The following DROSHA variants were observed in gnomAD, a reference collection of about 807,000 sequenced individuals.
DROSHA encodes ribonuclease 3.
Under a neutral mutation model 181.9 loss-of-function variants are expected in DROSHA, and 56 were observed. The observed-to-expected ratio is 0.31, with a 90% CI of 0.25 to 0.38. DROSHA has a LOEUF of 0.38. DROSHA is among the 10% of genes least tolerant of loss of function. The pLI, the probability that DROSHA is intolerant of heterozygous loss-of-function variation, is 1.00. For synonymous variants in DROSHA, 524 were observed against 591.2 expected (o/e 0.89, Z 1.65); for missense variants, 1,218 against 1,743.5 (o/e 0.70, Z 5.37).
At chr5:31,429,360 G>T in intron 27 of DROSHA, 115 bp downstream of exon 27, 2 of 936,564 alleles carry the variant, frequency 2.1e-6, no homozygotes, top group Non-Finnish European at 3.1e-6. Flanking sequence ...CCCATCTATG[G>T]TAGATCTGAC....
At chr5:31,437,575 T>C (rs1745032686) in intron 23 of DROSHA, among the ~76,000 whole-genome samples, 1 of 151,986 alleles carries the variant, frequency 6.6e-6, no homozygotes, top group South Asian at 2.1e-4. Flanking sequence ...CAAGGTGATA[T>C]CTCACTAACA....
intron 23 of DROSHA, among the ~76,000 whole-genome samples, chr5:31,442,490 C>G (rs1745714331): frequency 6.6e-6 from 1 of 152,052 alleles, no homozygotes; most frequent in South Asian, 2.1e-4. Flanking sequence ...AGTAAACACT[C>G]CATTTGTTTT....
At chr5:31,511,960 T>C (rs777856197) in intron 8 of DROSHA, among the ~76,000 whole-genome samples, 1 of 150,670 alleles carries the variant, frequency 6.6e-6, no homozygotes, top group African/African-American at 2.4e-5. Flanking sequence ...CTCTCATGCC[T>C]TAAACACGAG....
intron 16 of DROSHA, among the ~76,000 whole-genome samples, chr5:31,476,275 G>C (rs13185729): frequency 6.6e-6 from 1 of 152,206 alleles, no homozygotes; most frequent in Admixed American, 6.5e-5. Context: ...TGGGGCAGGA[G>C]AATCGCTTGA....
At chr5:31,419,208 T>C (rs778507368) in intron 30 of DROSHA, among the ~76,000 whole-genome samples, 27 of 152,184 alleles carry the variant, frequency 1.8e-4, no homozygotes, top group Non-Finnish European at 3.7e-4. Flanking sequence ...TTAATGCTAA[T>C]GGGAGTTGGT....
At chr5:31,446,364 G>A (rs985089495) in intron 23 of DROSHA, among the ~76,000 whole-genome samples, 11 of 149,918 alleles carry the variant, frequency 7.3e-5, no homozygotes, top group South Asian at 2.1e-4. Context: ...GGAGAATGGC[G>A]TGAACCCGGG....
chr5:31,481,964 A>T, intron 16 of DROSHA, among the ~76,000 whole-genome samples: 1 of 152,186 alleles, frequency 6.6e-6, no homozygotes, highest in Non-Finnish European at 1.5e-5. Context: ...GCACTGAAGC[A>T]AAACTTGGCT....
intron 16 of DROSHA, among the ~76,000 whole-genome samples, chr5:31,474,651 C>A (rs1750152834): frequency 6.6e-6 from 1 of 152,096 alleles, no homozygotes; most frequent in Admixed American, 6.5e-5. Context: ...GTGTGAGCCA[C>A]GGCACCCAGC....
At chr5:31,495,495 TG>T in intron 11 of DROSHA, 123 bp from the exon 12 acceptor site, 1 of 881,492 alleles carries the variant, frequency 1.1e-6, no homozygotes, top group Non-Finnish European at 1.7e-6. Context: ...CTTCACAGAC[TG>T]GTAGGAAAGA....
At chr5:31,494,167 C>T (rs1047714042) in intron 12 of DROSHA, among the ~76,000 whole-genome samples, 2 of 152,016 alleles carry the variant, frequency 1.3e-5, no homozygotes, top group Admixed American at 1.3e-4. Flanking sequence ...GGGGTTCCAC[C>T]ATCCCTACTA....
At chr5:31,513,611 C>G (rs1187593841) in intron 8 of DROSHA, among the ~76,000 whole-genome samples, 3 of 152,208 alleles carry the variant, frequency 2.0e-5, no homozygotes, top group African/African-American at 7.2e-5. Flanking sequence ...CTATGAGAGA[C>G]TTCTCAAATC....
Position 31,514,979 on chromosome 5 carries a change from C to T in DROSHA, c.1290+9G>A. ...CTAGTCTACAGCTTGTCTGCTACTT[C>T]AGACCTACCACCTGATCCATGGGGT... On this transcript the variant is annotated intron_variant, in intron 8 of 35. Transcript: ENST00000344624. This position sits in a 1 kb window ranked among gnomAD's most constrained non-coding sequence, Gnocchi z 4.4. 1.2e-6 allele frequency: 2 copies of T among 1,612,802 alleles called. No individual in the cohort carries two copies.
At chr5:31,423,610 G>T (rs1190108395) in intron 28 of DROSHA, among the ~76,000 whole-genome samples, 2 of 152,090 alleles carry the variant, frequency 1.3e-5, no homozygotes, top group Non-Finnish European at 2.9e-5. Flanking sequence ...TGAAAAGTGT[G>T]ATTAAAATGA....
intron 26 of DROSHA, 116 bp downstream of exon 26, chr5:31,431,460 C>G: frequency 1.0e-6 from 1 of 956,092 alleles, no homozygotes; most frequent in Non-Finnish European, 1.6e-6. Flanking sequence ...TCCTAGGAAC[C>G]TCATGTGCTT....
At chr5:31,505,987 G>A (rs577708873) in intron 10 of DROSHA, among the ~76,000 whole-genome samples, 11 of 152,144 alleles carry the variant, frequency 7.2e-5, no homozygotes, top group African/African-American at 1.9e-4. Context: ...GAATAATATC[G>A]CTACCAAAAA....
intron 4 of DROSHA, among the ~76,000 whole-genome samples, chr5:31,528,584 C>T (rs919957770): frequency 2.0e-5 from 3 of 152,134 alleles, no homozygotes; most frequent in Admixed American, 2.0e-4. Flanking sequence ...ATTGTTTCTG[C>T]TTCATAAATA....
chr5:31,506,912 C>T (rs1299452575), intron 10 of DROSHA, among the ~76,000 whole-genome samples: 1 of 152,166 alleles, frequency 6.6e-6, no homozygotes. Context: ...TAACACTAAA[C>T]AGCATTAGAA....
At chr5:31,466,510 T>C in intron 18 of DROSHA, 1 of 436,118 alleles carries the variant, frequency 2.3e-6, no homozygotes, top group African/African-American at 2.0e-5. Context: ...CTTATTTCAG[T>C]TGGAAATGAG....
At chr5:31,463,756 C>G (rs141602316) in intron 20 of DROSHA, among the ~76,000 whole-genome samples, 79 of 152,262 alleles carry the variant, frequency 5.2e-4, no homozygotes, top group Middle Eastern at 6.8e-3. Flanking sequence ...TCATTTGGTT[C>G]AAATATGAAG....
Sources: allele counts gnomAD v4.1 joint callset (sites outside exome capture counted in the v4.1 genomes callset), GRCh38; gene constraint gnomAD v4.1.1; non-coding constraint Gnocchi (gnomAD v3.1); transcripts MANE v1.5; gene names NCBI Gene and HGNC (gene_info 2026-07-23, HGNC 2026-07-21).